The following PEX19 variants were observed in gnomAD, a reference collection of about 807,000 sequenced individuals.
PEX19 encodes 33 kDa housekeeping protein.
PEX19 carries 29 observed loss-of-function variants against 36.3 expected under a neutral mutation model. The ratio of observed to expected loss-of-function variants is 0.80; its 90% CI spans 0.60 to 1.09. The LOEUF (loss-of-function observed/expected upper bound fraction) is 1.09. PEX19 is among the 50% of genes least tolerant of loss of function. PEX19 has a pLI of 0.00. For synonymous variants in PEX19, 141 were observed against 135.2 expected (o/e 1.04, Z -0.30); for missense variants, 396 against 368.1 (o/e 1.08, Z -0.62).
rs1657593479 is a variant in PEX19, at chr1:160,277,606, A to T, written c.*1945T>A. ...AAATAAAAATGAGTGCCTTGGGAAC[A>T]AAGATAAAGTGGACTAGGGCATCTA... On this transcript the variant is annotated 3_prime_UTR_variant, in exon 8 of 8. Transcript: ENST00000368072. 1 of 454,130 alleles carries T rather than the reference A, an allele frequency of 2.2e-6. No homozygotes were observed. The highest frequency in any genetic ancestry group is 4.4e-6 in the Non-Finnish European group (1 of 226,860). 28.1% of individuals were successfully genotyped at this position (454,130 alleles called of 1,614,324 possible).
Position 160,278,076 on chromosome 1 carries a change from A to G in PEX19, c.*1475T>C, listed in dbSNP as rs1217728540. On this transcript the variant is annotated 3_prime_UTR_variant, in exon 8 of 8. Transcript: ENST00000368072. ...TAATGCATGTGAATTTGCTTTGGAG[A>G]GACTTATCTTCTGAGTGAACCAGGA... 1 of 702,536 alleles carries G rather than the reference A, an allele frequency of 1.4e-6. No homozygotes were observed. Among genetic ancestry groups the G allele is most frequent in the Admixed American group, 2.0e-5 (1 of 50,010 alleles). 43.5% of individuals were successfully genotyped at this position (702,536 alleles called of 1,614,324 possible).
In PEX19 at chr1:160,277,803, C is replaced by A. The variant is rs1557851891; in HGVS notation, c.*1748G>T. The A allele has an allele frequency of 2.0e-6, 1 of 510,996 alleles. No homozygotes were observed. Among genetic ancestry groups the A allele is most frequent in the Non-Finnish European group, 3.8e-6 (1 of 265,186 alleles). The allele number at this position is 510,996 out of a possible 1,614,324, so 31.7% of individuals were successfully genotyped here. A position where few individuals can be genotyped will look rare whatever the true frequency, so the allele number is the denominator to read the frequency against. ...GAGCTTTAAGGAGAAAATAGTGACA[C>A]TGAAGCCCCATGACTATATCACAAG... On this transcript the variant is annotated 3_prime_UTR_variant, in exon 8 of 8. Coordinates refer to ENST00000368072, the MANE Select transcript of PEX19 (RefSeq NM_002857.4).
intron 1 of PEX19, 106 bp from the exon 2 acceptor site, chr1:160,283,745 C>A: frequency 1.1e-6 from 1 of 905,892 alleles, no homozygotes; most frequent in Non-Finnish European, 1.8e-6. Context: ...TTCAAATTGC[C>A]AACTTTCCTC....
rs776353884 is a variant in PEX19, at chr1:160,283,496, C to A, written c.180+34G>T. On this transcript the variant is annotated intron_variant, in intron 2 of 7. Coordinates refer to ENST00000368072, the MANE Select transcript of PEX19 (RefSeq NM_002857.4). ...CTCTGCTCAGGGCTGCATGCCCATC[C>A]CCTCCCCATCCCTTAAGGGGGTGGA... is the stretch of plus-strand genomic sequence containing the variant. 6 of 1,467,242 alleles carry A rather than the reference C, an allele frequency of 4.1e-6. No individual in the cohort carries two copies. In the Middle Eastern group the frequency reaches 7.1e-4, roughly 174 times the overall value. 90.9% of individuals were successfully genotyped at this position (1,467,242 alleles called of 1,614,324 possible). A position where few individuals can be genotyped will look rare whatever the true frequency, so the allele number is the denominator to read the frequency against.
At chr1:160,280,347 GAA>G in intron 5 of PEX19, 101 bp from the exon 6 acceptor site, 1 of 1,122,808 alleles carries the variant, frequency 8.9e-7, no homozygotes, top group Non-Finnish European at 1.4e-6. Flanking sequence ...AAGGGACGTA[GAA>G]AAACGAAAAG....
intron 1 of PEX19, chr1:160,284,366 T>A: frequency 8.2e-6 from 3 of 365,906 alleles, no homozygotes; most frequent in Non-Finnish European, 1.6e-5. Context: ...CTCACCACCA[T>A]TCTGTTCGCC....
chr1:160,280,168 T>TGACG lies in PEX19; in HGVS notation c.669_672dup (p.Met225ArgfsTer7). The TGACG allele has an allele frequency of 2.5e-6, 4 of 1,613,772 alleles. No individual in the cohort carries two copies. The highest frequency in any genetic ancestry group is 3.4e-6 in the Non-Finnish European group (4 of 1,179,644). ...TCAAACTGCTCACATATTTTGCACA[T>TGACG]GACGCTGTGCTGCTCCTGATATTTT... On this transcript the variant is annotated frameshift_variant, in exon 6 of 8. Transcript: ENST00000368072. LOFTEE classifies it high-confidence loss of function.
In PEX19 at chr1:160,279,626, G is replaced by A. The variant is rs776168021; in HGVS notation, c.825C>T (p.Gly275=). The change falls in exon 8 of 8, where the codon GGC becomes GGT. Residue 275 remains glycine (G), a synonymous_variant. Transcript: ENST00000368072. ...PKELAGEMPP[G]LNFDLDALNL... Reference sequence around the variant, plus strand: ...TGAGGGCATCCAGGTCAAAGTTGAGGCCAGGAGGCTGGGGAAGAGATGAAG... The same window carrying A: ...TGAGGGCATCCAGGTCAAAGTTGAGACCAGGAGGCTGGGGAAGAGATGAAG... 6.2e-7 allele frequency: 1 copy of A among 1,613,950 alleles called. No homozygotes were observed. The highest frequency in any genetic ancestry group is 1.1e-5 in the South Asian group (1 of 91,078).
At position 160,282,991 on chromosome 1, in the gene PEX19, TG is replaced by T; in HGVS notation, c.298del (p.His100ThrfsTer20). 6.2e-7 allele frequency: 1 copy of T among 1,614,166 alleles called. No homozygotes were observed. The highest frequency in any genetic ancestry group is 8.5e-7 in the Non-Finnish European group (1 of 1,180,016). ...AMKELAEEEP[H>X]LVEQFQKLSE... ...GAGCTTTTGGAACTGCTCCACCAGG[TG>T]GGGTTCTTCCTCAGCCAACTCCTTC... On this transcript the variant is annotated frameshift_variant, in exon 3 of 8. Transcript: ENST00000368072. LOFTEE classifies it high-confidence loss of function.
Position 160,285,054 on chromosome 1 carries a change from C to G in PEX19, c.70+1G>C. On this transcript the variant is annotated splice_donor_variant, in intron 1 of 7. Transcript: ENST00000368072. LOFTEE classifies it high-confidence loss of function. ...GGGCCTTTCCCACTATGGGCTCTTACTTTCCAGAAGCTCCTCCAATTCCCT... is the reference window on the plus strand; with the variant it reads ...GGGCCTTTCCCACTATGGGCTCTTAGTTTCCAGAAGCTCCTCCAATTCCCT... 6.2e-7 allele frequency: 1 copy of G among 1,611,718 alleles called. No homozygotes were observed. The highest frequency in any genetic ancestry group is 8.5e-7 in the Non-Finnish European group (1 of 1,177,758).
At chr1:160,283,216 AC>A (rs1179871142) in intron 2 of PEX19, 107 bp from the exon 3 acceptor site, 3 of 1,172,430 alleles carry the variant, frequency 2.6e-6, no homozygotes, top group Non-Finnish European at 3.8e-6. Context: ...CCTCCCTCCT[AC>A]CCAATTCCAC....
In PEX19 at chr1:160,277,745, T is replaced by G; in HGVS notation, c.*1806A>C. 1 of 464,868 alleles carries G rather than the reference T, an allele frequency of 2.2e-6. No individual in the cohort carries two copies. Among genetic ancestry groups the G allele is most frequent in the Non-Finnish European group, 4.3e-6 (1 of 234,358 alleles). The allele number at this position is 464,868 out of a possible 1,614,324, so 28.8% of individuals were successfully genotyped here. ...AGAGAAGGGCTCTTTTGTTCTTCCCTCCTCCTCTCTATCCTTGTCCAGTTT... is the reference window on the plus strand; with the variant it reads ...AGAGAAGGGCTCTTTTGTTCTTCCCGCCTCCTCTCTATCCTTGTCCAGTTT... On this transcript the variant is annotated 3_prime_UTR_variant, in exon 8 of 8. Transcript: ENST00000368072.
Position 160,277,501 on chromosome 1 carries a change from C to T in PEX19, c.*2050G>A, listed in dbSNP as rs770897690. 5.7e-5 allele frequency: 26 copies of T among 455,666 alleles called. No homozygotes were observed. Among genetic ancestry groups the T allele is most frequent in the South Asian group, 4.0e-4 (26 of 64,556 alleles). 28.2% of individuals were successfully genotyped at this position (455,666 alleles called of 1,614,324 possible). A position where few individuals can be genotyped will look rare whatever the true frequency, so the allele number is the denominator to read the frequency against. ...CTGCCCTAGAGTACCATAACTCCAC[C>T]ACAAGTCCTGGAATAATTCCAAAAG... On this transcript the variant is annotated 3_prime_UTR_variant, in exon 8 of 8. Transcript: ENST00000368072.
chr1:160,283,334 T>C (rs1446349927), intron 2 of PEX19, among the ~76,000 whole-genome samples, 196 bp downstream of exon 2: 1 of 152,222 alleles, frequency 6.6e-6, no homozygotes, highest in Admixed American at 6.5e-5. Flanking sequence ...CCTACTATTT[T>C]TTCAAGGAAC....
chr1:160,283,494 T>A lies in PEX19; in HGVS notation c.180+36A>T, dbSNP rs1657870862. On this transcript the variant is annotated intron_variant, in intron 2 of 7. Coordinates refer to ENST00000368072, the MANE Select transcript of PEX19 (RefSeq NM_002857.4). Reference sequence around the variant, plus strand: ...ACCTCTGCTCAGGGCTGCATGCCCATCCCCTCCCCATCCCTTAAGGGGGTG... The same window carrying A: ...ACCTCTGCTCAGGGCTGCATGCCCAACCCCTCCCCATCCCTTAAGGGGGTG... The A allele has an allele frequency of 2.1e-6, 3 of 1,455,950 alleles. No individual in the cohort carries two copies. The African/African-American group carries it at 4.2e-5, about 20-fold the overall frequency. The allele number at this position is 1,455,950 out of a possible 1,614,324, so 90.2% of individuals were successfully genotyped here.
intron 1 of PEX19, 101 bp downstream of exon 1, chr1:160,284,952 GGA>G: frequency 2.2e-6 from 2 of 921,046 alleles, no homozygotes; most frequent in Middle Eastern, 4.2e-4. Context: ...TTTAACCTTT[GGA>G]GAGCCTCTCC....
chr1:160,279,076 A>C lies in PEX19; in HGVS notation c.*475T>G, dbSNP rs957333153. The C allele has an allele frequency of 4.4e-6, 2 of 454,608 alleles. No individual in the cohort carries two copies. Among genetic ancestry groups the C allele is most frequent in the South Asian group, 3.1e-5 (2 of 64,450 alleles). 28.2% of individuals were successfully genotyped at this position (454,608 alleles called of 1,614,324 possible). ...AGCATAGTGACAGACCTGTAGCCCC[A>C]GCCCAGGCTGTTTCTCCCCATTCTC... is the stretch of plus-strand genomic sequence containing the variant. On this transcript the variant is annotated 3_prime_UTR_variant, in exon 8 of 8. Transcript: ENST00000368072.
rs1004852919 is a variant in PEX19 at position 160,278,081 on chromosome 1, T to A, written c.*1470A>T. 4.3e-6 allele frequency: 3 copies of A among 702,388 alleles called. No homozygotes were observed. In the African/African-American group the frequency reaches 5.2e-5, roughly 12 times the overall value. The allele number at this position is 702,388 out of a possible 1,614,324, so 43.5% of individuals were successfully genotyped here. ...CATGTGAATTTGCTTTGGAGAGACT[T>A]ATCTTCTGAGTGAACCAGGACAGCC... On this transcript the variant is annotated 3_prime_UTR_variant, in exon 8 of 8. Coordinates refer to ENST00000368072, the MANE Select transcript of PEX19 (RefSeq NM_002857.4).
intron 1 of PEX19, chr1:160,284,353 G>A (rs1314843219): frequency 1.3e-5 from 5 of 379,196 alleles, no homozygotes; most frequent in Non-Finnish European, 2.6e-5. Context: ...AAAAGCCTGT[G>A]TCCTCACCAC....
Sources: gnomAD v4.1 joint callset for allele counts (sites outside exome capture counted in the v4.1 genomes callset) on GRCh38, gnomAD v4.1.1 for gene constraint, MANE v1.5 for transcripts, NCBI Gene and HGNC (gene_info 2026-07-23, HGNC 2026-07-21) for gene names.